The following SCOC variants were observed in gnomAD, a reference collection of about 807,000 sequenced individuals.
SCOC encodes short coiled-coil protein.
A neutral mutation model predicts 9.9 loss-of-function variants in SCOC; 7 were observed. The ratio of observed to expected loss-of-function variants is 0.71; its 90% CI spans 0.40 to 1.33. The LOEUF is 1.33. Among genes scored for constraint, SCOC ranks in the 40% most tolerant of loss-of-function variants. The pLI is 0.01. For synonymous variants in SCOC, 19 were observed against 28.2 expected (o/e 0.67, Z 1.03); for missense variants, 66 against 89.7 (o/e 0.74, Z 1.07).
intron 1 of SCOC, among the ~76,000 whole-genome samples, chr4:140,311,537 C>T (rs1232475402): frequency 6.6e-6 from 1 of 152,138 alleles, no homozygotes; most frequent in Non-Finnish European, 1.5e-5. Context: ...GAGGACCCCA[C>T]ACCCCATGAT....
chr4:140,287,885 CA>C (rs1267148154), intron 1 of SCOC, among the ~76,000 whole-genome samples: 1 of 152,020 alleles, frequency 6.6e-6, no homozygotes, highest in Non-Finnish European at 1.5e-5. Context: ...GCACACATAT[CA>C]CACACCACAT....
At chr4:140,358,038 T>C (rs553733744) in intron 2 of SCOC, among the ~76,000 whole-genome samples, 237 of 152,278 alleles carry the variant, frequency 1.6e-3, no homozygotes, top group Non-Finnish European at 2.8e-3. Context: ...GCCTATGCAC[T>C]CCTAATCCCT....
chr4:140,259,755 A>C (rs1013575508), intron 1 of SCOC, among the ~76,000 whole-genome samples: 2 of 152,224 alleles, frequency 1.3e-5, no homozygotes, highest in Non-Finnish European at 1.5e-5. Context: ...AAACTTACTT[A>C]CCTGTAATCC....
rs147051815 is a variant in SCOC, at chr4:140,313,779, G to T, written c.-18-29842G>T. Among the ~76,000 whole-genome samples, 136 of 151,296 alleles carry T rather than the reference G, an allele frequency of 9.0e-4. 1 individual carries two copies. The East Asian group carries it at 0.018, about 20-fold the overall frequency. On this transcript the variant is annotated intron_variant, in intron 1 of 4. Coordinates refer to the SCOC transcript ENST00000394205. ...GCAAAAAAGCCATCGTTTCATGAAA[G>T]AATTCAGTCCTGTTTTTTTTTTAAA... is the stretch of plus-strand genomic sequence containing the variant.
At chr4:140,345,154 A>G (rs1726676852) in intron 2 of SCOC, among the ~76,000 whole-genome samples, 2 of 152,212 alleles carry the variant, frequency 1.3e-5, no homozygotes, top group South Asian at 4.2e-4. Context: ...TGGAGCCTGG[A>G]CGTGTGGGCA....
chr4:140,279,670 T>C (rs1731057408), intron 1 of SCOC, among the ~76,000 whole-genome samples: 2 of 152,228 alleles, frequency 1.3e-5, no homozygotes. Context: ...CCTCATCCCA[T>C]GAACTGTGCT....
chr4:140,334,192 A>C (rs55990147), intron 1 of SCOC, among the ~76,000 whole-genome samples: 29,942 of 152,150 alleles, frequency 0.2, 3,833 homozygotes, highest in African/African-American at 0.36. Context: ...CCATGCCCAG[A>C]CAAATTCTAT....
At chr4:140,374,354 A>G (rs780422859) in intron 1 of SCOC, 4 of 348,082 alleles carry the variant, frequency 1.1e-5, no homozygotes, top group African/African-American at 2.2e-5. Flanking sequence ...ACCTCACACT[A>G]TTACGCAACA....
intron 2 of SCOC, among the ~76,000 whole-genome samples, chr4:140,367,568 C>T (rs888357671): frequency 2.4e-4 from 36 of 151,854 alleles, no homozygotes; most frequent in African/African-American, 8.0e-4. Flanking sequence ...TTAGTAGAGA[C>T]GGGGTTTCAC....
At chr4:140,307,999 C>G (rs769734977) in intron 1 of SCOC, among the ~76,000 whole-genome samples, 2 of 152,058 alleles carry the variant, frequency 1.3e-5, no homozygotes, top group Admixed American at 6.6e-5. Context: ...TACTCTTATG[C>G]CAATTTAGTC....
intron 1 of SCOC, among the ~76,000 whole-genome samples, chr4:140,331,965 G>C (rs543290733): frequency 6.6e-6 from 1 of 152,168 alleles, no homozygotes; most frequent in Admixed American, 6.5e-5. Context: ...TTTTACTCAT[G>C]GTGGAAGGCA....
intron 2 of SCOC, among the ~76,000 whole-genome samples, chr4:140,367,978 TAAG>T (rs1421125519): frequency 6.6e-6 from 1 of 152,228 alleles, no homozygotes; most frequent in Non-Finnish European, 1.5e-5. Context: ...TACACCATGT[TAAG>T]AAGCTAAATG....
At chr4:140,340,398 A>T (rs1459211959), upstream of SCOC, among the ~76,000 whole-genome samples, 1 of 151,962 alleles carries the variant, frequency 6.6e-6, no homozygotes, top group Non-Finnish European at 1.5e-5. Context: ...CATGTTATAT[A>T]CATGTTGTAT....
intron 1 of SCOC, among the ~76,000 whole-genome samples, chr4:140,285,945 G>T (rs1731254684): frequency 6.6e-6 from 1 of 152,136 alleles, no homozygotes; most frequent in South Asian, 2.1e-4. Context: ...AGCACTTTGG[G>T]TGGCTGAGGC....
chr4:140,304,317 A>G (rs1027761273), intron 1 of SCOC, among the ~76,000 whole-genome samples: 6 of 152,104 alleles, frequency 3.9e-5, no homozygotes, highest in South Asian at 4.1e-4. Context: ...GGTAGCAGGT[A>G]GGAGGTCGGG....
intron 1 of SCOC, among the ~76,000 whole-genome samples, chr4:140,258,728 C>T (rs531762016): frequency 1.1e-3 from 161 of 152,326 alleles, no homozygotes; most frequent in Middle Eastern, 0.01. Flanking sequence ...GTTGAGTAAG[C>T]CCCAAGAATA....
chr4:140,301,438 A>G (rs1731808134), intron 1 of SCOC, among the ~76,000 whole-genome samples: 1 of 152,222 alleles, frequency 6.6e-6, no homozygotes, highest in African/African-American at 2.4e-5. Context: ...TCACTGCTAC[A>G]TATAATTTCA....
intron 2 of SCOC, among the ~76,000 whole-genome samples, chr4:140,354,715 T>G (rs1185147740): frequency 1.4e-5 from 2 of 144,386 alleles, no homozygotes; most frequent in South Asian, 2.2e-4. Context: ...TCCTTAAGGG[T>G]TTTTTTTTTT....
intron 1 of SCOC, among the ~76,000 whole-genome samples, chr4:140,274,416 C>T (rs759278587): frequency 6.6e-6 from 1 of 152,088 alleles, no homozygotes; most frequent in Non-Finnish European, 1.5e-5. Context: ...TCTTTGATTT[C>T]TCCTTGGAGA....
Sources: allele counts gnomAD v4.1 joint callset (sites outside exome capture counted in the v4.1 genomes callset), GRCh38; gene constraint gnomAD v4.1.1; transcripts MANE v1.5; gene names NCBI Gene and HGNC (gene_info 2026-07-23, HGNC 2026-07-21).